CNTN5: variants seen among roughly 807,000 people sequenced by gnomAD.
The protein encoded by CNTN5 is contactin 5.
A neutral mutation model predicts 129.1 loss-of-function variants in CNTN5; 77 were observed. The observed-to-expected ratio is 0.60, with a 90% CI of 0.50 to 0.72. CNTN5 has a LOEUF of 0.72. CNTN5 is among the 30% of genes least tolerant of loss of function. The probability of loss-of-function intolerance (pLI) is 0.00; values close to 1 mark genes in which losing one functional copy is unlikely to be tolerated. For missense variants in CNTN5, 1,478 were observed against 1,328.8 expected, an observed-to-expected ratio of 1.11 and a Z score of -1.75; for synonymous variants, 509 against 465.6, an observed-to-expected ratio of 1.09 and a Z score of -1.20.
intron 1 of CNTN5, among the ~76,000 whole-genome samples, chr11:99,243,585 A>G (rs1289641410): frequency 6.6e-6 from 1 of 152,066 alleles, no homozygotes; most frequent in Admixed American, 6.6e-5. Context: ...TAGGATATGT[A>G]TAGTTTTAGG....
At chr11:99,866,758 T>C (rs1948367327) in intron 6 of CNTN5, among the ~76,000 whole-genome samples, 1 of 152,214 alleles carries the variant, frequency 6.6e-6, no homozygotes, top group Admixed American at 6.5e-5. Context: ...TGGCACCTGC[T>C]GGCTTAGCCC....
intron 1 of CNTN5, among the ~76,000 whole-genome samples, chr11:99,150,929 T>G (rs1043613120): frequency 4.6e-5 from 7 of 152,094 alleles, no homozygotes; most frequent in Non-Finnish European, 1.0e-4. Flanking sequence ...AAGTAAGAAA[T>G]TAATGTTTTC....
At chr11:100,033,522 C>G (rs1453569) in intron 9 of CNTN5, among the ~76,000 whole-genome samples, 4,859 of 152,226 alleles carry the variant, frequency 0.032, 126 homozygotes, top group African/African-American at 0.076. Flanking sequence ...TTCACTAGGA[C>G]CCCTGTCTTC....
At chr11:99,803,496 T>TA (rs1283169978) in intron 3 of CNTN5, among the ~76,000 whole-genome samples, 1 of 152,202 alleles carries the variant, frequency 6.6e-6, no homozygotes, top group African/African-American at 2.4e-5. Flanking sequence ...ACTAAAGAAT[T>TA]ACTGACTTTG....
chr11:99,201,351 T>TTCCTTTCCTTCCTTCCTTCCTTCCTTCC (rs59358470), intron 1 of CNTN5, among the ~76,000 whole-genome samples: 3 of 88,154 alleles, frequency 3.4e-5, no homozygotes. Flanking sequence ...CTTCCTTTCC[T>TTCCTTTCCTTCCTTCCTTCCTTCCTTCC]TTCCTTCCTT....
At chr11:100,013,950 G>A (rs1186417998) in intron 9 of CNTN5, among the ~76,000 whole-genome samples, 1 of 152,044 alleles carries the variant, frequency 6.6e-6, no homozygotes, top group East Asian at 1.9e-4. Flanking sequence ...TTTGAACTAA[G>A]CATGCTCGTC....
intron 3 of CNTN5, among the ~76,000 whole-genome samples, chr11:99,653,433 A>C (rs1465290756): frequency 6.6e-6 from 1 of 152,014 alleles, no homozygotes; most frequent in Non-Finnish European, 1.5e-5. Flanking sequence ...TTACATGTTC[A>C]TAGCTCCCCC....
intron 3 of CNTN5, 130 bp downstream of exon 3, chr11:99,556,399 A>G (rs1378578101): frequency 2.0e-6 from 1 of 499,536 alleles, no homozygotes; most frequent in Non-Finnish European, 3.4e-6. Flanking sequence ...CTTTCCAACA[A>G]GAGAAAGGCA....
intron 2 of CNTN5, among the ~76,000 whole-genome samples, chr11:99,355,834 T>C (rs1449379718): frequency 1.3e-5 from 2 of 150,744 alleles, no homozygotes; most frequent in African/African-American, 4.9e-5. Context: ...TTTTTTTTTT[T>C]TGTTTTTTTT....
At chr11:99,459,293 G>T (rs1944605025) in intron 2 of CNTN5, among the ~76,000 whole-genome samples, 1 of 151,864 alleles carries the variant, frequency 6.6e-6, no homozygotes, top group East Asian at 1.9e-4. Flanking sequence ...TGGGGAGTGA[G>T]GAAAATGAAT....
chr11:99,142,145 C>A (rs1320918790), intron 1 of CNTN5, among the ~76,000 whole-genome samples: 1 of 152,096 alleles, frequency 6.6e-6, no homozygotes, highest in Non-Finnish European at 1.5e-5. Flanking sequence ...CAGGCCCACA[C>A]CTTTGTTCTC....
At chr11:99,254,727 G>A (rs1285923310) in intron 1 of CNTN5, among the ~76,000 whole-genome samples, 4 of 151,852 alleles carry the variant, frequency 2.6e-5, no homozygotes, top group Admixed American at 6.6e-5. Flanking sequence ...TAAATCAACA[G>A]ATTTTAATAA....
intron 3 of CNTN5, among the ~76,000 whole-genome samples, chr11:99,706,339 T>C (rs1204735320): frequency 2.6e-5 from 4 of 151,526 alleles, no homozygotes; most frequent in African/African-American, 9.7e-5. Flanking sequence ...TTTATTAAAA[T>C]ATGTTCCCTA....
chr11:99,891,521 C>T (rs985642039), intron 6 of CNTN5, among the ~76,000 whole-genome samples: 1 of 152,002 alleles, frequency 6.6e-6, no homozygotes, highest in African/African-American at 2.4e-5. Context: ...TAATGTTCCC[C>T]TCTCTGTGTC....
chr11:99,068,053 G>T (rs1157185830), intron 1 of CNTN5, among the ~76,000 whole-genome samples: 2 of 152,120 alleles, frequency 1.3e-5, no homozygotes, highest in African/African-American at 2.4e-5. Context: ...AAGGTGCCTT[G>T]CTTCCCCTTC....
At chr11:99,968,530 A>G (rs185483386) in intron 8 of CNTN5, among the ~76,000 whole-genome samples, 2 of 151,978 alleles carry the variant, frequency 1.3e-5, no homozygotes, top group East Asian at 3.9e-4. Context: ...AATGGATCTC[A>G]TGTTGTCCTC....
chr11:99,948,748 C>T (rs1207195657), intron 7 of CNTN5, among the ~76,000 whole-genome samples: 3 of 152,198 alleles, frequency 2.0e-5, no homozygotes, highest in African/African-American at 7.2e-5. Context: ...CTGCCTGGCA[C>T]ATTCTAAGTG....
At chr11:99,647,019 A>G (rs1951990108) in intron 3 of CNTN5, among the ~76,000 whole-genome samples, 1 of 150,632 alleles carries the variant, frequency 6.6e-6, no homozygotes. Context: ...GCCATGTACA[A>G]GCTTATTAGT....
chr11:100,244,522 C>G (rs564798143), intron 16 of CNTN5, among the ~76,000 whole-genome samples: 2 of 152,292 alleles, frequency 1.3e-5, no homozygotes, highest in Non-Finnish European at 2.9e-5. Context: ...TTTCTATCTT[C>G]ACATGATAGT....
Sources: gnomAD v4.1 joint callset for allele counts (sites outside exome capture counted in the v4.1 genomes callset) on GRCh38, gnomAD v4.1.1 for gene constraint, MANE v1.5 for transcripts, NCBI Gene and HGNC (gene_info 2026-07-23, HGNC 2026-07-21) for gene names.